PCDHA5: variants seen among roughly 807,000 people sequenced by gnomAD.
PCDHA5 encodes the protein protocadherin alpha 5, also known as protocadherin alpha-5.
A neutral mutation model predicts 61.6 loss-of-function variants in PCDHA5; 43 were observed. That is an observed-to-expected ratio of 0.70 (90% confidence interval 0.55 to 0.90). PCDHA5 has a LOEUF of 0.90. Ranked by LOEUF, PCDHA5 falls within the 40% of genes least tolerant of loss-of-function variation. PCDHA5 has a pLI of 0.00. For missense variants in PCDHA5, 1,298 were observed against 1,222.7 expected (o/e 1.06, Z -0.92); for synonymous variants, 627 against 543.9 (o/e 1.15, Z -2.13).
chr5:140,876,728 C>G (rs200398819), intron 1 of PCDHA5: 4 of 1,614,244 alleles, frequency 2.5e-6, no homozygotes, highest in African/African-American at 2.7e-5. Flanking sequence ...GAGAGCGTGT[C>G]GGCCTATGAG....
At chr5:140,847,009 T>G (rs1780816378) in intron 1 of PCDHA5, among the ~76,000 whole-genome samples, 1 of 149,542 alleles carries the variant, frequency 6.7e-6, no homozygotes, top group Non-Finnish European at 1.5e-5. Flanking sequence ...TTGAGAATGA[T>G]AGACATTTCT....
At chr5:140,870,794 T>C in intron 1 of PCDHA5, 2 of 1,613,684 alleles carry the variant, frequency 1.2e-6, no homozygotes, top group South Asian at 2.2e-5. Context: ...GCGCCGGCAC[T>C]GCTGGCGACT....
At chr5:140,911,153 C>T (rs921838811) in intron 1 of PCDHA5, among the ~76,000 whole-genome samples, 2 of 152,048 alleles carry the variant, frequency 1.3e-5, no homozygotes, top group Non-Finnish European at 2.9e-5. Flanking sequence ...TCTCCTCAGA[C>T]AAATGTGGAA....
chr5:140,953,778 A>G (rs782648195), intron 1 of PCDHA5, among the ~76,000 whole-genome samples: 1 of 151,986 alleles, frequency 6.6e-6, no homozygotes, highest in Non-Finnish European at 1.5e-5. Flanking sequence ...ATATTTATTT[A>G]TTTTTTTCTT....
Position 140,857,707 on chromosome 5 carries a change from C to T in PCDHA5, c.2352+33580C>T, listed in dbSNP as rs1554150544. Reference sequence around the variant, plus strand: ...GCAGCAACTTGACGCTGCAGGTGTTCGTGCTGGACGAGAACGACAACGCTC... The same window carrying T: ...GCAGCAACTTGACGCTGCAGGTGTTTGTGCTGGACGAGAACGACAACGCTC... On this transcript the variant is annotated intron_variant, in intron 1 of 3. Coordinates refer to ENST00000529859, the MANE Select transcript of PCDHA5 (RefSeq NM_018908.3). 3.1e-6 allele frequency: 5 copies of T among 1,597,080 alleles called. 1 individual carries two copies. Among genetic ancestry groups the T allele is most frequent in the East Asian group, 2.2e-5 (1 of 44,802 alleles).
chr5:140,963,307 C>G (rs2095756240), intron 1 of PCDHA5, among the ~76,000 whole-genome samples: 1 of 152,062 alleles, frequency 6.6e-6, no homozygotes, highest in African/African-American at 2.4e-5. Context: ...AAATAAGAAG[C>G]TGTTTGTATT....
At chr5:140,835,925 C>A (rs1375358248) in intron 1 of PCDHA5, 3 of 1,612,234 alleles carry the variant, frequency 1.9e-6, no homozygotes, top group Non-Finnish European at 2.5e-6. Flanking sequence ...ACGCGGAGAG[C>A]GGCAAGGTGT....
chr5:140,981,582 A>C (rs2096939117), intron 2 of PCDHA5, among the ~76,000 whole-genome samples: 1 of 152,182 alleles, frequency 6.6e-6, no homozygotes, highest in African/African-American at 2.4e-5. Flanking sequence ...TCAAAAATAA[A>C]TAAAATAAAA....
rs2150260681 is a variant in PCDHA5 at position 140,836,426 on chromosome 5, G to A, written c.2352+12299G>A. The stretch of plus-strand genomic sequence containing the variant: ...GCCAGGCACCAAAGGCGTCGTCGCG[G>A]GCATCGTTGGGCATTGCAGGCCCAG... On this transcript the variant is annotated intron_variant, in intron 1 of 3. Transcript: ENST00000529859. 2.7e-5 allele frequency: 44 copies of A among 1,613,710 alleles called. 1 individual carries two copies. The highest frequency in any genetic ancestry group is 3.5e-5 in the Non-Finnish European group (41 of 1,179,868).
intron 1 of PCDHA5, among the ~76,000 whole-genome samples, chr5:140,873,086 C>A (rs984385666): frequency 1.3e-5 from 2 of 152,240 alleles, no homozygotes; most frequent in African/African-American, 2.4e-5. Flanking sequence ...ATTTCCCCCC[C>A]GTATAGAGGC....
chr5:140,983,924 A>G (rs1554245819), intron 3 of PCDHA5, among the ~76,000 whole-genome samples: 1 of 152,216 alleles, frequency 6.6e-6, no homozygotes, highest in African/African-American at 2.4e-5. Flanking sequence ...AGGATTTGCT[A>G]TTTATGGATG....
Position 140,847,952 on chromosome 5 carries a change from A to T in PCDHA5, c.2352+23825A>T, listed in dbSNP as rs185156520. The T allele has an allele frequency of 1.9e-3, 295 of 152,428 alleles. 32 individuals are homozygous for T. Among genetic ancestry groups the T allele is most frequent in the Non-Finnish European group, 3.3e-3 (228 of 68,582 alleles). 9.4% of individuals were successfully genotyped at this position (152,428 alleles called of 1,614,324 possible). A position where few individuals can be genotyped will look rare whatever the true frequency, so the allele number is the denominator to read the frequency against. On this transcript the variant is annotated intron_variant, in intron 1 of 3. Coordinates refer to ENST00000529859, the MANE Select transcript of PCDHA5 (RefSeq NM_018908.3). ...ATTGCAACTCCTGGATTTCTCTTAC[A>T]CTAGAATCCTATTTCGAGCCATATG...
intron 1 of PCDHA5, chr5:140,836,539 C>G (rs2150263250): frequency 6.2e-7 from 1 of 1,613,680 alleles, no homozygotes; most frequent in East Asian, 2.2e-5. Flanking sequence ...CTGCTGTACA[C>G]GGCGTTGCGG....
intron 1 of PCDHA5, chr5:140,829,721 C>T: frequency 1.2e-6 from 2 of 1,613,590 alleles, no homozygotes; most frequent in Non-Finnish European, 1.7e-6. Flanking sequence ...GGGCGTGCCG[C>T]CTCTGGGCAG....
intron 1 of PCDHA5, chr5:140,884,589 C>G: frequency 1.9e-6 from 3 of 1,614,146 alleles, no homozygotes; most frequent in Admixed American, 3.3e-5. Context: ...GCCTTCAGTC[C>G]CAGCCTTCCT....
At chr5:140,986,938 G>A (rs1025641797) in intron 3 of PCDHA5, among the ~76,000 whole-genome samples, 1 of 152,158 alleles carries the variant, frequency 6.6e-6, no homozygotes, top group African/African-American at 2.4e-5. Flanking sequence ...TGGAGGCTGG[G>A]TGTGGTCGCT....
At chr5:140,883,623 C>T (rs782045250) in intron 1 of PCDHA5, 3 of 1,613,988 alleles carry the variant, frequency 1.9e-6, no homozygotes, top group East Asian at 4.5e-5. Context: ...AACGACAACG[C>T]GCCGGCGTTC....
chr5:140,905,162 G>A (rs2071641359), intron 1 of PCDHA5, among the ~76,000 whole-genome samples: 1 of 152,118 alleles, frequency 6.6e-6, no homozygotes, highest in African/African-American at 2.4e-5. Flanking sequence ...GAATTTTCAT[G>A]GTTTCAGGTT....
chr5:140,882,583 C>A, intron 1 of PCDHA5: 1 of 1,614,232 alleles, frequency 6.2e-7, no homozygotes, highest in Non-Finnish European at 8.5e-7. Flanking sequence ...GCAGCATCCA[C>A]CTGGAGGTGA....
Sources: gnomAD v4.1 joint callset for allele counts (sites outside exome capture counted in the v4.1 genomes callset) on GRCh38, gnomAD v4.1.1 for gene constraint, MANE v1.5 for transcripts, NCBI Gene and HGNC (gene_info 2026-07-23, HGNC 2026-07-21) for gene names.